Variants in RGMB observed in about 807,000 individuals in gnomAD.
The protein encoded by RGMB is repulsive guidance molecule BMP co-receptor b.
RGMB carries 16 observed loss-of-function variants against 26.9 expected under a neutral mutation model. That is an observed-to-expected ratio of 0.60 (90% CI 0.40 to 0.90). The LOEUF is 0.90. Among genes scored for constraint, RGMB ranks in the 40% least tolerant of loss-of-function variants. The probability of loss-of-function intolerance (pLI) is 0.00; values close to 1 mark genes in which losing one functional copy is unlikely to be tolerated. For missense variants in RGMB, 512 were observed against 573.3 expected (o/e 0.89, Z 1.09); for synonymous variants, 225 against 229.3 (o/e 0.98, Z 0.17).
intron 1 of RGMB, among the ~76,000 whole-genome samples, chr5:98,776,300 G>T (rs765506811): frequency 5.3e-5 from 8 of 152,214 alleles, no homozygotes; most frequent in Non-Finnish European, 1.2e-4. Context: ...ATCTGTAGCT[G>T]CAGAGTTTTA....
upstream of RGMB, among the ~76,000 whole-genome samples, chr5:98,772,034 T>C (rs1161737614): frequency 1.3e-5 from 2 of 152,256 alleles, no homozygotes; most frequent in African/African-American, 4.8e-5. Context: ...TCATGAACTG[T>C]ATCTAATTAT....
At chr5:98,775,038 G>T (rs1170164228) in intron 1 of RGMB, among the ~76,000 whole-genome samples, 1 of 152,134 alleles carries the variant, frequency 6.6e-6, no homozygotes, top group Non-Finnish European at 1.5e-5. Context: ...CCTAGACAAA[G>T]AATTTTTTTT....
In RGMB at chr5:98,774,097, C is replaced by G. The variant is rs763701328; in HGVS notation, c.27C>G (p.Ser9Arg). 8.1e-7 allele frequency: 1 copy of G among 1,237,702 alleles called. No individual in the cohort carries two copies. Among genetic ancestry groups the G allele is most frequent in the South Asian group, 1.3e-5 (1 of 75,816 alleles). The allele number at this position is 1,237,702 out of a possible 1,614,324, so 76.7% of individuals were successfully genotyped here. A position where few individuals can be genotyped will look rare whatever the true frequency, so the allele number is the denominator to read the frequency against. Residue 9 changes from serine (S) to arginine (R), a missense_variant, in exon 1 of 3, where the codon AGC becomes AGG. By Grantham distance (110) the Ser-to-Arg change is moderately radical (BLOSUM62 -1). Coordinates refer to ENST00000513185, the MANE Select transcript of RGMB (RefSeq NM_001366508.1). Reference sequence around the variant, plus strand: ...TGGGCTTGAGAGCAGCACCTTCCAGCGCCGCCGCTGCCGCCGCCGAGGTTG... The same window carrying G: ...TGGGCTTGAGAGCAGCACCTTCCAGGGCCGCCGCTGCCGCCGCCGAGGTTG... MGLRAAPS[S>R]AAAAAAEVEQ...
chr5:98,776,434 T>G (rs1746404042), intron 1 of RGMB, among the ~76,000 whole-genome samples: 1 of 152,252 alleles, frequency 6.6e-6, no homozygotes, highest in Non-Finnish European at 1.5e-5. Context: ...AGTTACTTGC[T>G]TACTCATACA....
upstream of RGMB, chr5:98,770,726 T>C: frequency 1.7e-6 from 2 of 1,144,632 alleles, no homozygotes; most frequent in Non-Finnish European, 2.4e-6. Flanking sequence ...TCTTCCAAGT[T>C]GTACTTTCCT....
At chr5:98,792,583 C>T (rs1746964283) in intron 2 of RGMB, among the ~76,000 whole-genome samples, 1 of 146,854 alleles carries the variant, frequency 6.8e-6, no homozygotes, top group Non-Finnish European at 1.5e-5. Flanking sequence ...ACCATCCCCC[C>T]CGCCCCCCAC....
At chr5:98,770,418 C>G (rs774163616), upstream of RGMB, 10 of 403,388 alleles carry the variant, frequency 2.5e-5, no homozygotes, top group Non-Finnish European at 4.4e-5. Flanking sequence ...CGCTGGCAAG[C>G]GGCTCCCAAA....
rs779467672 is a variant in RGMB at position 98,793,655 on chromosome 5, C to T, written c.1216C>T (p.His406Tyr). 4 of 1,613,986 alleles carry T rather than the reference C, an allele frequency of 2.5e-6. No individual in the cohort carries two copies. Among genetic ancestry groups the T allele is most frequent in the Non-Finnish European group, 2.5e-6 (3 of 1,179,872 alleles). Residue 406 changes from histidine to tyrosine, a missense_variant, in exon 3 of 3, where the codon CAC becomes TAC. Coordinates refer to ENST00000513185, the MANE Select transcript of RGMB (RefSeq NM_001366508.1). ...CCTGCACCCAAGGAAGGAACGCTGG[C>T]ACATTTTCCCCAGCAGTGGCAATGG... ...EALHPRKERW[H>Y]IFPSSGNGTP...
At chr5:98,788,551 T>C (rs183710013) in intron 2 of RGMB, among the ~76,000 whole-genome samples, 159 of 152,366 alleles carry the variant, frequency 1.0e-3, no homozygotes, top group Middle Eastern at 3.4e-3. Context: ...TAAATCAATA[T>C]ACCTCTTTTC....
At chr5:98,792,897 A>G (rs1746977582) in intron 2 of RGMB, 188 bp from the exon 3 acceptor site, 1 of 530,534 alleles carries the variant, frequency 1.9e-6, no homozygotes, top group South Asian at 3.0e-5. Flanking sequence ...AGTTCTAAAT[A>G]TATAGGACTT....
upstream of RGMB, chr5:98,773,240 T>TA (rs887509199): frequency 4.8e-4 from 72 of 148,544 alleles, no homozygotes; most frequent in African/African-American, 1.1e-3. Context: ...GTAATTAAAT[T>TA]AAAAAAAAAA....
chr5:98,782,843 A>G (rs1415739594), intron 2 of RGMB, among the ~76,000 whole-genome samples: 1 of 152,184 alleles, frequency 6.6e-6, no homozygotes, highest in African/African-American at 2.4e-5. Context: ...GCCTGTTCCT[A>G]GGTACCCCCC....
Position 98,793,074 on chromosome 5 carries a change from C to T in RGMB, c.646-11C>T, listed in dbSNP as rs775966712. The T allele has an allele frequency of 2.1e-5, 33 of 1,583,454 alleles. No individual in the cohort carries two copies. Among genetic ancestry groups the T allele is most frequent in the Non-Finnish European group, 2.8e-5 (32 of 1,160,580 alleles). On this transcript the variant is annotated splice_polypyrimidine_tract_variant and intron_variant, in intron 2 of 2. Coordinates refer to ENST00000513185, the MANE Select transcript of RGMB (RefSeq NM_001366508.1). ...CATTCTGTTAAACCTTGTACATGCT[C>T]CTTCCCACAGATCACTATTATCTTC...
chr5:98,791,851 T>C (rs1746940390), intron 2 of RGMB, among the ~76,000 whole-genome samples: 1 of 152,218 alleles, frequency 6.6e-6, no homozygotes, highest in Admixed American at 6.5e-5. Context: ...GCAAGGTTTT[T>C]AACTAACTGT....
rs1372335855 is a variant in RGMB at position 98,795,824 on chromosome 5, TAGA to T, written c.*2076_*2078del. On this transcript the variant is annotated 3_prime_UTR_variant, in exon 3 of 3. Transcript: ENST00000513185. ...TAATATGAAAGTGAAGTAAAAGCAA[TAGA>T]AGAAATTTCTATAGGATCTGGGTTT... 2.0e-5 allele frequency: 3 copies of T among 152,200 alleles called. No homozygotes were observed. Among genetic ancestry groups the T allele is most frequent in the African/African-American group, 4.8e-5 (2 of 41,452 alleles). 9.4% of individuals were successfully genotyped at this position (152,200 alleles called of 1,614,324 possible).
At chr5:98,792,384 T>C (rs1423634945) in intron 2 of RGMB, among the ~76,000 whole-genome samples, 2 of 152,208 alleles carry the variant, frequency 1.3e-5, no homozygotes, top group Non-Finnish European at 2.9e-5. Flanking sequence ...TTCTCAGAAC[T>C]ATGCCATGAC....
Position 98,793,387 on chromosome 5 carries a change from C to T in RGMB, c.948C>T (p.Cys316=), listed in dbSNP as rs766631479. The T allele has an allele frequency of 3.1e-6, 5 of 1,613,192 alleles. No individual in the cohort carries two copies. Among genetic ancestry groups the T allele is most frequent in the Non-Finnish European group, 4.2e-6 (5 of 1,179,674 alleles). The part of the protein sequence containing the change: ...SQDLQLCVNG[C]PLSERIDDGQ... ...ACCTGCAGCTGTGCGTGAACGGCTG[C>T]CCCCTGAGTGAACGCATCGATGACG... Residue 316 remains cysteine (C), a synonymous_variant, in exon 3 of 3, where the codon TGC becomes TGT. Transcript: ENST00000513185.
In RGMB at chr5:98,793,259, C is replaced by G; in HGVS notation, c.820C>G (p.Arg274Gly). 6.2e-7 allele frequency: 1 copy of G among 1,613,940 alleles called. No individual in the cohort carries two copies. The highest frequency in any genetic ancestry group is 8.5e-7 in the Non-Finnish European group (1 of 1,179,868). The change falls in exon 3 of 3, where the codon CGC becomes GGC. Residue 274 changes from arginine (R) to glycine (G), a missense_variant. Arg to Gly is a moderately radical substitution (Grantham distance 125). Transcript: ENST00000513185. ...ESGHYVEMHA[R>G]YIGTTVFVRQ... ...TGGCCACTATGTGGAGATGCACGCC[C>G]GCTATATAGGGACCACAGTGTTTGT... is the stretch of plus-strand genomic sequence containing the variant.
intron 1 of RGMB, among the ~76,000 whole-genome samples, chr5:98,775,872 AG>A (rs1746383963): frequency 6.6e-6 from 1 of 152,220 alleles, no homozygotes; most frequent in African/African-American, 2.4e-5. Flanking sequence ...ATCCTGTTAA[AG>A]AAAAGAACGC....
Sources: allele counts gnomAD v4.1 joint callset (sites outside exome capture counted in the v4.1 genomes callset), GRCh38; gene constraint gnomAD v4.1.1; transcripts MANE v1.5; gene names NCBI Gene and HGNC (gene_info 2026-07-23, HGNC 2026-07-21).